PIN1: variants seen among roughly 807,000 people sequenced by gnomAD.
The protein encoded by PIN1 is peptidyl-prolyl cis-trans isomerase NIMA-interacting 1.
A neutral mutation model predicts 19.9 loss-of-function variants in PIN1; 8 were observed. The ratio of observed to expected loss-of-function variants is 0.40; its 90% confidence interval spans 0.24 to 0.72. The LOEUF is 0.72. Ranked by LOEUF, PIN1 falls within the 30% of genes least tolerant of loss-of-function variation. The probability of loss-of-function intolerance (pLI) is 0.37; values close to 1 mark genes in which losing one functional copy is unlikely to be tolerated. For synonymous variants in PIN1, 86 were observed against 90.8 expected, an observed-to-expected ratio of 0.95 and a Z score of 0.30; for missense variants, 185 against 226.5, an observed-to-expected ratio of 0.82 and a Z score of 1.18.
At position 9,838,719 on chromosome 19, in the gene PIN1, G is replaced by T; in HGVS notation, c.271+71G>T. 1 of 1,271,580 alleles carries T rather than the reference G, an allele frequency of 7.9e-7. No homozygotes were observed. 78.8% of individuals were successfully genotyped at this position (1,271,580 alleles called of 1,614,324 possible). A position where few individuals can be genotyped will look rare whatever the true frequency, so the allele number is the denominator to read the frequency against. On this transcript the variant is annotated intron_variant, in intron 2 of 3. Coordinates refer to ENST00000247970, the MANE Select transcript of PIN1 (RefSeq NM_006221.4). This position sits in a 1 kb window ranked among gnomAD's most constrained non-coding sequence, Gnocchi z 5.8. ...GTGAGCCTTTGTAGAAGTCACATCAGACCCTTCACCCCAGCTTGCTCAGCT... is the reference window on the plus strand; with the variant it reads ...GTGAGCCTTTGTAGAAGTCACATCATACCCTTCACCCCAGCTTGCTCAGCT...
Position 9,848,112 on chromosome 19 carries a change from C to T in PIN1, c.354C>T (p.Ala118=). 1.9e-6 allele frequency: 3 copies of T among 1,612,178 alleles called. No homozygotes were observed. The highest frequency in any genetic ancestry group is 2.2e-5 in the East Asian group (1 of 44,868). Residue 118 remains alanine (A), a synonymous_variant, in exon 3 of 4, where the codon GCC becomes GCT. Coordinates refer to ENST00000247970, the MANE Select transcript of PIN1 (RefSeq NM_006221.4). ...TCAGCGACTGCAGCTCAGCCAAGGC[C>T]AGGGGAGACCTGGGTGCCTTCAGCA... ...SQFSDCSSAK[A]RGDLGAFSRG... is the part of the protein sequence containing the mutation.
chr19:9,836,734 C>T (rs1208724809), intron 1 of PIN1: 5 of 847,206 alleles, frequency 5.9e-6, no homozygotes, highest in Non-Finnish European at 6.8e-6. Context: ...TCTGCAACAC[C>T]ATGCACGGTG....
rs142404099 is a variant in PIN1 at position 9,841,037 on chromosome 19, C to A, written c.271+2389C>A. ...TAAATGTTCTGTCATTGTTAGTGGT[C>A]ACTGTCATTGCTGTTGTTGGTTGTG... On this transcript the variant is annotated intron_variant, in intron 2 of 3. Coordinates refer to ENST00000247970, the MANE Select transcript of PIN1 (RefSeq NM_006221.4). Among the ~76,000 whole-genome samples the A allele has an allele frequency of 4.5e-3, 681 of 152,322 alleles. 4 individuals are homozygous for A. The highest frequency in any genetic ancestry group is 0.015 in the African/African-American group (644 of 41,580).
At chr19:9,841,557 A>C (rs1238604910) in intron 2 of PIN1, among the ~76,000 whole-genome samples, 4 of 152,078 alleles carry the variant, frequency 2.6e-5, no homozygotes, top group Admixed American at 2.6e-4. Flanking sequence ...TCAGGTGAGG[A>C]GGTTTGGTTC....
chr19:9,843,664 G>A (rs1361005062), intron 2 of PIN1, among the ~76,000 whole-genome samples: 13 of 152,172 alleles, frequency 8.5e-5, no homozygotes, highest in Admixed American at 8.5e-4. Flanking sequence ...GCTTGTAGAC[G>A]GCTGCCCTCT....
At chr19:9,836,876 G>A in intron 1 of PIN1, 2 of 1,285,324 alleles carry the variant, frequency 1.6e-6, no homozygotes, top group South Asian at 1.2e-5. Flanking sequence ...GATGCAAAAG[G>A]TGAGGTCTCC....
At position 9,849,192 on chromosome 19, in the gene PIN1, C is replaced by G; in HGVS notation, c.485C>G (p.Thr162Ser). Residue 162 changes from threonine to serine, a missense_variant, in exon 4 of 4, where the codon ACT becomes AGT. Thr to Ser is a moderately conservative substitution (Grantham distance 58, BLOSUM62 1). Transcript: ENST00000247970. ...TDSGIHIILRTE is the reference protein window; with the variant it reads ...TDSGIHIILRSE The stretch of plus-strand genomic sequence containing the variant: ...TCCGGCATCCACATCATCCTCCGCA[C>G]TGAGTGAGGGTGGGGAGCCCAGGCC... 1 of 1,607,068 alleles carries G rather than the reference C, an allele frequency of 6.2e-7. No individual in the cohort carries two copies. The highest frequency in any genetic ancestry group is 8.5e-7 in the Non-Finnish European group (1 of 1,175,048).
In PIN1 at chr19:9,838,726, C is replaced by A; in HGVS notation, c.271+78C>A. On this transcript the variant is annotated intron_variant, in intron 2 of 3. Coordinates refer to ENST00000247970, the MANE Select transcript of PIN1 (RefSeq NM_006221.4). This position sits in a 1 kb window ranked among gnomAD's most constrained non-coding sequence, Gnocchi z 5.8. ...TTTGTAGAAGTCACATCAGACCCTT[C>A]ACCCCAGCTTGCTCAGCTGCCAGGC... The A allele has an allele frequency of 8.3e-7, 1 of 1,209,520 alleles. No individual in the cohort carries two copies. The highest frequency in any genetic ancestry group is 1.2e-6 in the Non-Finnish European group (1 of 862,514). 74.9% of individuals were successfully genotyped at this position (1,209,520 alleles called of 1,614,324 possible).
At chr19:9,839,248 G>A (rs768708219) in intron 2 of PIN1, among the ~76,000 whole-genome samples, 16 of 151,982 alleles carry the variant, frequency 1.1e-4, no homozygotes, top group Non-Finnish European at 2.1e-4. Context: ...AGCCTGGGCA[G>A]TATGGTGAAA....
chr19:9,848,404 T>C, intron 3 of PIN1: 2 of 487,762 alleles, frequency 4.1e-6, no homozygotes, highest in Admixed American at 6.6e-5. Context: ...TGCACAGATG[T>C]CCTCATCCCA....
chr19:9,844,705 G>C (rs1403867532), intron 2 of PIN1, among the ~76,000 whole-genome samples: 1 of 152,184 alleles, frequency 6.6e-6, no homozygotes, highest in Admixed American at 6.5e-5. Context: ...GTCGGGCAAG[G>C]CTGACACATT....
rs755729391 is a variant in PIN1 at position 9,849,647 on chromosome 19, A to G, written c.*448A>G. On this transcript the variant is annotated 3_prime_UTR_variant, in exon 4 of 4. Transcript: ENST00000247970. The stretch of plus-strand genomic sequence containing the variant: ...CCATGGGCCCTCTGAGCAACTGTGC[A>G]GCACCCTTTCACCCCCAATTAAACC... 3 of 521,534 alleles carry G rather than the reference A, an allele frequency of 5.8e-6. No homozygotes were observed. Among genetic ancestry groups the G allele is most frequent in the Admixed American group, 3.9e-5 (2 of 51,578 alleles). 32.3% of individuals were successfully genotyped at this position (521,534 alleles called of 1,614,324 possible).
chr19:9,842,810 C>A (rs1025912685), intron 2 of PIN1, among the ~76,000 whole-genome samples: 1 of 152,222 alleles, frequency 6.6e-6, no homozygotes, highest in African/African-American at 2.4e-5. Flanking sequence ...TGGATGTTCT[C>A]CCCTCGAGGG....
chr19:9,842,828 C>T (rs982422381), intron 2 of PIN1, among the ~76,000 whole-genome samples: 6 of 152,202 alleles, frequency 3.9e-5, no homozygotes, highest in Admixed American at 6.5e-5. Flanking sequence ...GGGTTCATGC[C>T]GGGTGATCAG....
intron 2 of PIN1, among the ~76,000 whole-genome samples, chr19:9,847,817 C>T (rs1312458911): frequency 6.6e-6 from 1 of 152,084 alleles, no homozygotes. Flanking sequence ...TCGTGAAAGG[C>T]ACCTCTTCTT....
At chr19:9,841,683 G>A (rs1367292677) in intron 2 of PIN1, among the ~76,000 whole-genome samples, 2 of 152,200 alleles carry the variant, frequency 1.3e-5, no homozygotes, top group African/African-American at 2.4e-5. Context: ...GGAAGTGGAA[G>A]GCCCAGAACC....
At chr19:9,839,724 G>A (rs2145411143) in intron 2 of PIN1, among the ~76,000 whole-genome samples, 1 of 152,316 alleles carries the variant, frequency 6.6e-6, no homozygotes, top group East Asian at 1.9e-4. Flanking sequence ...ATCATTTGCA[G>A]AGCCCTGTCT....
intron 2 of PIN1, among the ~76,000 whole-genome samples, chr19:9,839,451 T>C (rs8104651): frequency 0.5 from 74,810 of 150,618 alleles, 19,328 homozygotes; most frequent in African/African-American, 0.65. Flanking sequence ...TGAGTGCCAG[T>C]AGATAGTGAG....
intron 2 of PIN1, among the ~76,000 whole-genome samples, chr19:9,842,364 G>A (rs2046176319): frequency 6.6e-6 from 1 of 152,188 alleles, no homozygotes; most frequent in South Asian, 2.1e-4. Context: ...TTCATTTCCT[G>A]AGCCTCAGTT....
Sources: gnomAD v4.1 joint callset for allele counts (sites outside exome capture counted in the v4.1 genomes callset) on GRCh38, gnomAD v4.1.1 for gene constraint, Gnocchi (gnomAD v3.1) non-coding constraint, MANE v1.5 for transcripts, NCBI Gene and HGNC (gene_info 2026-07-23, HGNC 2026-07-21) for gene names.